Variants in APBA1 observed in about 807,000 individuals in gnomAD.
The protein encoded by APBA1 is amyloid-beta A4 precursor protein-binding family A member 1.
A neutral mutation model predicts 86.6 loss-of-function variants in APBA1; 55 were observed. That is an observed-to-expected ratio of 0.64 (90% CI 0.51 to 0.80). APBA1 has a LOEUF of 0.80. APBA1 is among the 30% of genes least tolerant of loss of function. The pLI, the probability that APBA1 is intolerant of heterozygous loss-of-function variation, is 0.00. For synonymous variants in APBA1, 511 were observed against 493.9 expected (o/e 1.03, Z -0.46); for missense variants, 1,090 against 1,183.0 (o/e 0.92, Z 1.15).
intron 11 of APBA1, 147 bp downstream of exon 11, chr9:69,440,849 A>T: frequency 9.1e-7 from 1 of 1,101,122 alleles, no homozygotes; most frequent in East Asian, 2.4e-5. Context: ...TTGGAAATGC[A>T]GAAATTACCC....
intron 2 of APBA1, among the ~76,000 whole-genome samples, chr9:69,502,913 A>T (rs1387776164): frequency 6.6e-6 from 1 of 152,116 alleles, no homozygotes; most frequent in African/African-American, 2.4e-5. Flanking sequence ...TTCATTGTCA[A>T]GTTGTAAATT....
At chr9:69,565,181 G>C (rs1054873279) in intron 1 of APBA1, among the ~76,000 whole-genome samples, 1 of 152,018 alleles carries the variant, frequency 6.6e-6, no homozygotes, top group African/African-American at 2.4e-5. Context: ...AAAATGTGAA[G>C]TGCTGTCAGG....
chr9:69,640,431 T>C (rs141841380), intron 1 of APBA1, among the ~76,000 whole-genome samples: 2,804 of 152,152 alleles, frequency 0.018, 90 homozygotes, highest in African/African-American at 0.063. Context: ...TGCAAAAGCT[T>C]GGTTAATAAT....
At chr9:69,490,996 C>G (rs1835700327) in intron 2 of APBA1, among the ~76,000 whole-genome samples, 1 of 152,260 alleles carries the variant, frequency 6.6e-6, no homozygotes, top group Middle Eastern at 3.4e-3. Flanking sequence ...AACACTCTTA[C>G]ACTGTTGGTG....
At chr9:69,562,766 T>C (rs1836966848) in intron 1 of APBA1, among the ~76,000 whole-genome samples, 1 of 152,226 alleles carries the variant, frequency 6.6e-6, no homozygotes. Flanking sequence ...ATGGTTAGCC[T>C]GCTGGAAAGA....
chr9:69,516,294 G>C lies in APBA1; in HGVS notation c.917C>G (p.Pro306Arg), dbSNP rs1429490256. The change falls in exon 2 of 13, where the codon CCG becomes CGG. Residue 306 changes from proline (P) to arginine (R), a missense_variant. Physicochemically the swap from Pro to Arg is moderately radical, Grantham distance 103. Transcript: ENST00000265381. This position sits in a 1 kb window ranked among gnomAD's most constrained non-coding sequence, Gnocchi z 7.3. ...AEQDLERPPT[P>R]AGGRPDSPGL... Reference sequence around the variant, plus strand: ...GGGGCTGTCGGGGCGACCCCCGGCCGGGGTAGGGGGACGCTCCAGGTCCTG... The same window carrying C: ...GGGGCTGTCGGGGCGACCCCCGGCCCGGGTAGGGGGACGCTCCAGGTCCTG... 3 of 1,531,152 alleles carry C rather than the reference G, an allele frequency of 2.0e-6. No individual in the cohort carries two copies. Among genetic ancestry groups the C allele is most frequent in the Admixed American group, 2.0e-5 (1 of 50,322 alleles). The allele number at this position is 1,531,152 out of a possible 1,614,324, so 94.8% of individuals were successfully genotyped here.
chr9:69,615,123 C>T (rs1822674236), intron 1 of APBA1, among the ~76,000 whole-genome samples: 1 of 152,122 alleles, frequency 6.6e-6, no homozygotes, highest in African/African-American at 2.4e-5. Context: ...TTGCGTGAAC[C>T]CAGAAAGCAG....
chr9:69,513,101 T>C (rs1836078336), intron 2 of APBA1, among the ~76,000 whole-genome samples: 1 of 152,236 alleles, frequency 6.6e-6, no homozygotes, highest in Admixed American at 6.5e-5. Context: ...GCACAGGTTT[T>C]CAGTTTCACT....
intron 1 of APBA1, among the ~76,000 whole-genome samples, chr9:69,543,245 C>G (rs976737442): frequency 6.7e-6 from 1 of 149,110 alleles, no homozygotes; most frequent in Admixed American, 6.7e-5. Flanking sequence ...GCAGCTGGCC[C>G]TCCACTTCCA....
At chr9:69,655,677 T>G (rs1207731196) in intron 1 of APBA1, among the ~76,000 whole-genome samples, 3 of 152,082 alleles carry the variant, frequency 2.0e-5, no homozygotes, top group Non-Finnish European at 4.4e-5. Context: ...ACAATCCCTA[T>G]AGAAACACCC....
At chr9:69,596,151 C>T (rs1302777272) in intron 1 of APBA1, among the ~76,000 whole-genome samples, 3 of 151,984 alleles carry the variant, frequency 2.0e-5, no homozygotes, top group Non-Finnish European at 4.4e-5. Context: ...CCACACCCTG[C>T]TAATTTTTAA....
At position 69,516,495 on chromosome 9, in the gene APBA1, T is replaced by C; in HGVS notation, c.716A>G (p.Asp239Gly). ...EALGARLHHY[D>G]ERSDGESDSP... ...GTCGGACTCGCCGTCGGAGCGCTCG[T>C]CGTAATGGTGCAGCCGCGCGCCCAG... Residue 239 changes from aspartate (D) to glycine (G), a missense_variant, in exon 2 of 13, where the codon GAC becomes GGC. Transcript: ENST00000265381. This position sits in a 1 kb window ranked among gnomAD's most constrained non-coding sequence, Gnocchi z 7.3. 6.3e-7 allele frequency: 1 copy of C among 1,598,812 alleles called. No homozygotes were observed. The highest frequency in any genetic ancestry group is 8.5e-7 in the Non-Finnish European group (1 of 1,178,066).
chr9:69,481,858 C>CT (rs1835516045), intron 2 of APBA1, among the ~76,000 whole-genome samples: 1 of 151,972 alleles, frequency 6.6e-6, no homozygotes, highest in Non-Finnish European at 1.5e-5. Context: ...CTGAGAAAAG[C>CT]AAGCAATGGG....
chr9:69,635,800 T>C (rs750099025), intron 1 of APBA1, among the ~76,000 whole-genome samples: 7 of 152,160 alleles, frequency 4.6e-5, no homozygotes, highest in Non-Finnish European at 8.8e-5. Context: ...ATATAACAAC[T>C]GTAAATATAT....
At chr9:69,591,434 T>C (rs902056604) in intron 1 of APBA1, among the ~76,000 whole-genome samples, 1 of 152,250 alleles carries the variant, frequency 6.6e-6, no homozygotes, top group African/African-American at 2.4e-5. Flanking sequence ...AAGAACCATG[T>C]CTGCCACTTC....
chr9:69,643,666 A>G lies in APBA1; in HGVS notation c.-70+28487T>C, dbSNP rs530768553. 3.9e-5 allele frequency among the ~76,000 whole-genome samples: 6 copies of G among 152,298 alleles called. No individual in the cohort carries two copies. In the East Asian group the frequency reaches 9.7e-4, roughly 25 times the overall value. On this transcript the variant is annotated intron_variant, in intron 1 of 12. Coordinates refer to ENST00000265381, the MANE Select transcript of APBA1 (RefSeq NM_001163.4). The stretch of plus-strand genomic sequence containing the variant: ...TCACTTTATAAAGCTTCACATTCAA[A>G]TTCTCAGGATAAAGAATCCGACGGA...
At chr9:69,468,026 C>A in intron 4 of APBA1, 58 bp from the exon 5 acceptor site, 1 of 1,581,572 alleles carries the variant, frequency 6.3e-7, no homozygotes, top group East Asian at 2.2e-5. Context: ...TGCCAACCCC[C>A]TCAATGGCAC....
chr9:69,433,514 T>C (rs1045656499), intron 11 of APBA1, among the ~76,000 whole-genome samples: 23 of 152,240 alleles, frequency 1.5e-4, no homozygotes, highest in Admixed American at 4.6e-4. Flanking sequence ...AAAACATTCC[T>C]TAGGTGTTTT....
At chr9:69,634,230 A>T (rs1213540901) in intron 1 of APBA1, among the ~76,000 whole-genome samples, 1 of 152,128 alleles carries the variant, frequency 6.6e-6, no homozygotes, top group East Asian at 1.9e-4. Flanking sequence ...AGCTTAGGAG[A>T]GGGAGAACAC....
Sources: allele counts gnomAD v4.1 joint callset (sites outside exome capture counted in the v4.1 genomes callset), GRCh38; gene constraint gnomAD v4.1.1; non-coding constraint Gnocchi (gnomAD v3.1); transcripts MANE v1.5; gene names NCBI Gene and HGNC (gene_info 2026-07-23, HGNC 2026-07-21).